The following GKN2 variants were observed in gnomAD, a reference collection of about 807,000 sequenced individuals.
GKN2 encodes gastrokine 2.
A neutral mutation model predicts 22.7 loss-of-function variants in GKN2; 17 were observed. The ratio of observed to expected loss-of-function variants is 0.75; its 90% CI spans 0.51 to 1.13. GKN2 has a LOEUF of 1.13. Among genes scored for constraint, GKN2 ranks in the 50% most tolerant of loss-of-function variants. The pLI, the probability that GKN2 is intolerant of heterozygous loss-of-function variation, is 0.00. For synonymous variants in GKN2, 82 were observed against 79.6 expected (o/e 1.03, Z -0.16); for missense variants, 248 against 221.4 (o/e 1.12, Z -0.76).
rs1340645355 is a variant in GKN2 at position 68,946,377 on chromosome 2, G to A, written c.399C>T (p.Phe133=). ...LESLIKDVDW[F]LLGSPIEKLC... is the part of the protein sequence containing the mutation. ...GTTTCTCAATGGGTGACCCAAGCAG[G>A]AACCAATCCACGTCTTTGATCAGAG... is the stretch of plus-strand genomic sequence containing the variant. The change falls in exon 5 of 6, where the codon TTC becomes TTT. Residue 133 remains phenylalanine (F), a synonymous_variant. Coordinates refer to ENST00000328895, the MANE Select transcript of GKN2 (RefSeq NM_182536.3). 2 of 1,613,898 alleles carry A rather than the reference G, an allele frequency of 1.2e-6. No homozygotes were observed. Among genetic ancestry groups the A allele is most frequent in the African/African-American group, 1.3e-5 (1 of 74,904 alleles).
chr2:68,945,429 C>T lies in GKN2; in HGVS notation c.494G>A (p.Cys165Tyr), dbSNP rs772654223. Residue 165 changes from cysteine (C) to tyrosine (Y), a missense_variant, in exon 6 of 6, where the codon TGT becomes TAT. Cys to Tyr is a radical substitution (Grantham distance 194, BLOSUM62 -2). Transcript: ENST00000328895. ...ENTHNVGAGG[C>Y]AKAGLLGILG... ...GATGCCCAGGAGCCCAGCCTTTGCA[C>T]AGCCTCCAGCACCGACATTATCTGG... The T allele has an allele frequency of 4.5e-5, 72 of 1,611,252 alleles. No individual in the cohort carries two copies. The highest frequency in any genetic ancestry group is 5.9e-5 in the Non-Finnish European group (70 of 1,178,190).
At chr2:68,950,639 T>C in intron 2 of GKN2, 63 bp downstream of exon 2, 1 of 1,459,212 alleles carries the variant, frequency 6.9e-7, no homozygotes. Flanking sequence ...TCAGGCTCTC[T>C]TGTACCTTCC....
chr2:68,948,433 C>T (rs904022416), intron 3 of GKN2, among the ~76,000 whole-genome samples: 33 of 152,248 alleles, frequency 2.2e-4, no homozygotes, highest in Middle Eastern at 3.4e-3. Context: ...ACACTTCCAC[C>T]GCTGCAGAAA....
intron 3 of GKN2, among the ~76,000 whole-genome samples, chr2:68,949,151 G>A (rs73935452): frequency 0.014 from 2,089 of 152,308 alleles, 47 homozygotes; most frequent in African/African-American, 0.047. Flanking sequence ...TTCATAATTC[G>A]TTGGTGGAAG....
intron 2 of GKN2, 106 bp downstream of exon 2, chr2:68,950,594 CAT>C: frequency 1.1e-6 from 1 of 933,952 alleles, no homozygotes. Context: ...TCTGAGATTC[CAT>C]CCCAAATAAG....
chr2:68,952,210 G>T (rs1285454181), intron 1 of GKN2, among the ~76,000 whole-genome samples: 2 of 152,190 alleles, frequency 1.3e-5, no homozygotes, highest in Non-Finnish European at 2.9e-5. Flanking sequence ...TAGTCATAAT[G>T]AGAGGACATT....
chr2:68,950,367 A>T, intron 2 of GKN2, 104 bp from the exon 3 acceptor site: 1 of 1,169,122 alleles, frequency 8.6e-7, no homozygotes, highest in Non-Finnish European at 1.2e-6. Context: ...ACAAGGGATT[A>T]AAAACTAAAA....
At chr2:68,946,884 A>G (rs1669779357) in intron 4 of GKN2, among the ~76,000 whole-genome samples, 1 of 152,238 alleles carries the variant, frequency 6.6e-6, no homozygotes, top group South Asian at 2.1e-4. Context: ...GAAGCTGATC[A>G]GTCCTTGCTA....
intron 1 of GKN2, 41 bp from the exon 2 acceptor site, chr2:68,950,796 T>A: frequency 6.2e-7 from 1 of 1,600,698 alleles, no homozygotes; most frequent in Non-Finnish European, 8.6e-7. Context: ...TATAGGGTAG[T>A]CATTGAGTGT....
chr2:68,951,486 C>T (rs1669855812), intron 1 of GKN2, among the ~76,000 whole-genome samples: 1 of 152,238 alleles, frequency 6.6e-6, no homozygotes, highest in Non-Finnish European at 1.5e-5. Context: ...CATCAGTGAA[C>T]TGTACTATCG....
chr2:68,947,049 G>A, intron 4 of GKN2, 98 bp downstream of exon 4: 1 of 739,338 alleles, frequency 1.4e-6, no homozygotes, highest in Non-Finnish European at 2.5e-6. Context: ...GGTAAGGCAT[G>A]ATAGTATGAT....
intron 5 of GKN2, 172 bp downstream of exon 5, chr2:68,946,132 T>C: frequency 3.9e-6 from 2 of 514,790 alleles, no homozygotes; most frequent in Admixed American, 7.5e-5. Context: ...TTCATTTCTG[T>C]ATTCCTAAAA....
chr2:68,946,059 T>G (rs888737557), intron 5 of GKN2: 4 of 421,592 alleles, frequency 9.5e-6, no homozygotes, highest in Non-Finnish European at 1.7e-5. Flanking sequence ...AATCCTTTAC[T>G]CCATCCTCTC....
At chr2:68,946,159 C>T in intron 5 of GKN2, 145 bp downstream of exon 5, 1 of 615,782 alleles carries the variant, frequency 1.6e-6, no homozygotes, top group Non-Finnish European at 2.7e-6. Flanking sequence ...ACAATTTACA[C>T]ACATGGCATG....
At position 68,946,453 on chromosome 2, in the gene GKN2, T is replaced by C. The variant is rs1490311311; in HGVS notation, c.323A>G (p.Asp108Gly). Residue 108 changes from aspartate (D) to glycine (G), a missense_variant, in exon 5 of 6, where the codon GAC becomes GGC. Transcript: ENST00000328895. ...QWYIYEKQAL[D>G]NMFSSKYTWV... Reference sequence around the variant, plus strand: ...GGTGTATTTGCTGGAGAACATGTTGTCCAGAGCCTAGATCGGTATAACAGA... The same window carrying C: ...GGTGTATTTGCTGGAGAACATGTTGCCCAGAGCCTAGATCGGTATAACAGA... 1.2e-6 allele frequency: 2 copies of C among 1,607,634 alleles called. No homozygotes were observed. The highest frequency in any genetic ancestry group is 2.2e-5 in the South Asian group (2 of 89,460).
At position 68,950,225 on chromosome 2, in the gene GKN2, A is replaced by T. The variant is rs569745728; in HGVS notation, c.105T>A (p.Asn35Lys). 5.0e-6 allele frequency: 8 copies of T among 1,613,588 alleles called. No homozygotes were observed. The highest frequency in any genetic ancestry group is 4.2e-6 in the Non-Finnish European group (5 of 1,179,714). The change falls in exon 3 of 6, where the codon AAT (asparagine) becomes AAA (lysine). Residue 35 changes from asparagine to lysine, a missense_variant. Physicochemically the swap from Asn to Lys is moderately conservative, Grantham distance 94. Coordinates refer to ENST00000328895, the MANE Select transcript of GKN2 (RefSeq NM_182536.3). Reference sequence around the variant, plus strand: ...TATCAATTGTCACTGTCTCCTGAACATTGCCACCATTGTTGCTTGGGCTGA... The same window carrying T: ...TATCAATTGTCACTGTCTCCTGAACTTTGCCACCATTGTTGCTTGGGCTGA... ...NIISPSNNGG[N>K]VQETVTIDNE...
At position 68,947,163 on chromosome 2, in the gene GKN2, T is replaced by A. The variant is rs1191795993; in HGVS notation, c.299A>T (p.Tyr100Phe). The change falls in exon 4 of 6, where the codon TAC (tyrosine) becomes TTC (phenylalanine). Residue 100 changes from tyrosine to phenylalanine, a missense_variant. Coordinates refer to ENST00000328895, the MANE Select transcript of GKN2 (RefSeq NM_182536.3). ...CAGAATTACCTGTTTCTCATAGATG[T>A]ACCATTGGAGATTGTTCAGAGGAGG... The part of the protein sequence containing the change: ...NIPPLNNLQW[Y>F]IYEKQALDNM... 1 of 1,609,590 alleles carries A rather than the reference T, an allele frequency of 6.2e-7. No homozygotes were observed. The highest frequency in any genetic ancestry group is 8.5e-7 in the Non-Finnish European group (1 of 1,176,000).
intron 2 of GKN2, 117 bp from the exon 3 acceptor site, chr2:68,950,380 G>C: frequency 1.1e-6 from 1 of 942,218 alleles, no homozygotes; most frequent in Non-Finnish European, 1.6e-6. Flanking sequence ...AACTAAAACT[G>C]TCCACTGGGG....
intron 3 of GKN2, 137 bp from the exon 4 acceptor site, chr2:68,947,394 A>C: frequency 1.6e-6 from 1 of 614,624 alleles, no homozygotes; most frequent in Non-Finnish European, 3.0e-6. Flanking sequence ...CCAATCTGCA[A>C]TCAACTTTAT....
Sources: allele counts gnomAD v4.1 joint callset (sites outside exome capture counted in the v4.1 genomes callset), GRCh38; gene constraint gnomAD v4.1.1; transcripts MANE v1.5; gene names NCBI Gene and HGNC (gene_info 2026-07-23, HGNC 2026-07-21).